ANK3: variants seen among roughly 807,000 people sequenced by gnomAD.
ANK3 encodes ankyrin 3, also known as ankyrin-3.
In ANK3, 57 loss-of-function variants were observed where a neutral mutation model predicts 370.9. The ratio of observed to expected loss-of-function variants is 0.15; its 90% confidence interval spans 0.12 to 0.19. The LOEUF (loss-of-function observed/expected upper bound fraction) is 0.19. Among genes scored for constraint, ANK3 ranks in the 10% least tolerant of loss-of-function variants. The pLI is 1.00. For missense variants in ANK3, 4,439 were observed against 5,302.1 expected (o/e 0.84, Z 5.06); for synonymous variants, 1,929 against 1,946.3 (o/e 0.99, Z 0.23).
At chr10:60,476,200 G>T (rs895017979) in intron 2 of ANK3, among the ~76,000 whole-genome samples, 1 of 152,134 alleles carries the variant, frequency 6.6e-6, no homozygotes, top group African/African-American at 2.4e-5. Context: ...TGGAGGAAAA[G>T]AGAACAATGA....
chr10:60,329,602 A>G (rs1272938910), intron 1 of ANK3, among the ~76,000 whole-genome samples: 2 of 152,220 alleles, frequency 1.3e-5, no homozygotes, highest in African/African-American at 2.4e-5. Flanking sequence ...CTTCAAAGAG[A>G]ACTACAAACC....
intron 2 of ANK3, among the ~76,000 whole-genome samples, chr10:60,401,711 T>G (rs1218585830): frequency 6.6e-6 from 1 of 152,230 alleles, no homozygotes; most frequent in Non-Finnish European, 1.5e-5. Flanking sequence ...TTGTATAATA[T>G]TCCATGTGAT....
chr10:60,231,400 T>C (rs2097242367), intron 8 of ANK3, among the ~76,000 whole-genome samples: 1 of 152,204 alleles, frequency 6.6e-6, no homozygotes, highest in African/African-American at 2.4e-5. Flanking sequence ...GATGCTTTCC[T>C]GCCTCTAAAA....
chr10:60,482,128 CTGT>C (rs2075236895), intron 2 of ANK3, among the ~76,000 whole-genome samples: 1 of 152,156 alleles, frequency 6.6e-6, no homozygotes, highest in Non-Finnish European at 1.5e-5. Flanking sequence ...CTGTCATCTC[CTGT>C]TGTTTCTTAA....
At chr10:60,079,223 A>ACACACACC (rs1564852491) in intron 36 of ANK3, among the ~76,000 whole-genome samples, 1 of 147,550 alleles carries the variant, frequency 6.8e-6, no homozygotes, top group East Asian at 1.9e-4. Flanking sequence ...ACACACACAC[A>ACACACACC]CACCCCTCTT....
chr10:60,557,636 G>T (rs925472549), intron 2 of ANK3, among the ~76,000 whole-genome samples: 1 of 151,960 alleles, frequency 6.6e-6, no homozygotes, highest in Admixed American at 6.6e-5. Flanking sequence ...AATGTATTTT[G>T]CAATATAATA....
intron 2 of ANK3, among the ~76,000 whole-genome samples, chr10:60,533,463 C>T (rs1365241616): frequency 2.0e-5 from 3 of 152,084 alleles, no homozygotes; most frequent in African/African-American, 7.2e-5. Flanking sequence ...CCAAAACACT[C>T]CTCCACACAT....
At chr10:60,385,054 C>A (rs945067499) in intron 1 of ANK3, among the ~76,000 whole-genome samples, 2 of 152,142 alleles carry the variant, frequency 1.3e-5, no homozygotes, top group Non-Finnish European at 2.9e-5. Context: ...GGCTCTACCC[C>A]ATAAAGCTAT....
chr10:60,555,046 G>T (rs1440473777), intron 2 of ANK3, among the ~76,000 whole-genome samples: 1 of 152,006 alleles, frequency 6.6e-6, no homozygotes, highest in African/African-American at 2.4e-5. Context: ...ACAGAAGCAG[G>T]CTGGGAATAA....
At chr10:60,657,129 A>G (rs1399074738) in intron 1 of ANK3, among the ~76,000 whole-genome samples, 1 of 152,196 alleles carries the variant, frequency 6.6e-6, no homozygotes, top group Non-Finnish European at 1.5e-5. Context: ...GCAGCAGGCA[A>G]AGACAGAGAG....
chr10:60,203,520 T>A (rs2096716471), intron 11 of ANK3, among the ~76,000 whole-genome samples: 1 of 152,226 alleles, frequency 6.6e-6, no homozygotes, highest in Admixed American at 6.5e-5. Flanking sequence ...GATCCTATTC[T>A]GGGCTTTAAA....
At chr10:60,289,282 T>A (rs1431224526) in intron 1 of ANK3, among the ~76,000 whole-genome samples, 3 of 130,730 alleles carry the variant, frequency 2.3e-5, no homozygotes, top group African/African-American at 6.2e-5. Flanking sequence ...TTTTTTTTTT[T>A]AAAGAGATGG....
chr10:60,573,076 A>G (rs1313054639), intron 2 of ANK3: 1 of 870,524 alleles, frequency 1.1e-6, no homozygotes, highest in African/African-American at 1.8e-5. Flanking sequence ...TGTTGAATGC[A>G]TCAGGGCATA....
chr10:60,430,684 A>G (rs930571934), intron 2 of ANK3, among the ~76,000 whole-genome samples: 1 of 152,202 alleles, frequency 6.6e-6, no homozygotes, highest in Non-Finnish European at 1.5e-5. Flanking sequence ...AGCATAAAAT[A>G]CACACAGTCA....
intron 1 of ANK3, among the ~76,000 whole-genome samples, chr10:60,719,291 T>G (rs1010194487): frequency 3.3e-5 from 5 of 152,172 alleles, no homozygotes; most frequent in African/African-American, 1.2e-4. Context: ...TTACAAACAC[T>G]GTTGTAATAA....
rs780706035 is a variant in ANK3 at position 60,073,948 on chromosome 10, G to A, written c.6933C>T (p.Thr2311=). 2 of 1,614,016 alleles carry A rather than the reference G, an allele frequency of 1.2e-6. No homozygotes were observed. The highest frequency in any genetic ancestry group is 2.2e-5 in the South Asian group (2 of 91,068). Residue 2311 remains threonine, a synonymous_variant, in exon 37 of 44, where the codon ACC becomes ACT. Transcript: ENST00000280772. ...TGTCCTTCTCTGCATGCTGGGCTGA[G>A]GTTTCAGCAGCAGACTTGTGAACAT... ...SPDVHKSAAE[T]SAQHAEKDNQ...
chr10:60,502,533 T>C (rs1035805061), intron 2 of ANK3, among the ~76,000 whole-genome samples: 2 of 152,102 alleles, frequency 1.3e-5, no homozygotes, highest in Non-Finnish European at 2.9e-5. Context: ...AGAAAGCTCT[T>C]GTCGGGCATG....
intron 23 of ANK3, among the ~76,000 whole-genome samples, chr10:60,152,067 G>C (rs948952223): frequency 6.6e-6 from 1 of 152,178 alleles, no homozygotes; most frequent in Non-Finnish European, 1.5e-5. Flanking sequence ...AGGGGGGACA[G>C]AGACACAGGT....
At chr10:60,387,196 T>C (rs1377835814) in intron 1 of ANK3, among the ~76,000 whole-genome samples, 1 of 151,966 alleles carries the variant, frequency 6.6e-6, no homozygotes, top group Non-Finnish European at 1.5e-5. Flanking sequence ...TTTCTGCATA[T>C]GAACAAGAGC....
Sources: gnomAD v4.1 joint callset for allele counts (sites outside exome capture counted in the v4.1 genomes callset) on GRCh38, gnomAD v4.1.1 for gene constraint, MANE v1.5 for transcripts, NCBI Gene and HGNC (gene_info 2026-07-23, HGNC 2026-07-21) for gene names.